Variants in OR51M1 observed in about 807,000 individuals in gnomAD.
The protein encoded by OR51M1 is olfactory receptor family 51 subfamily M member 1.
For synonymous variants in OR51M1, 199 were observed against 155.1 expected, an observed-to-expected ratio of 1.28 and a Z score of -2.10; for missense variants, 509 against 404.4, an observed-to-expected ratio of 1.26 and a Z score of -2.22.
At position 5,390,178 on chromosome 11, in the gene OR51M1, G is replaced by T. The variant is rs1849773346; in HGVS notation, c.780G>T (p.Val260=). The change falls in exon 3 of 3, where the codon GTG becomes GTT. Residue 260 remains valine (V), a synonymous_variant. Coordinates refer to ENST00000642046, the MANE Select transcript of OR51M1 (RefSeq NM_001004756.3). ...FQTCTAPLCA[V]LVFFVPMMGL... ...CATGCACCGCTCCTCTCTGTGCTGTGCTAGTATTCTTTGTGCCCATGATGG... is the reference window on the plus strand; with the variant it reads ...CATGCACCGCTCCTCTCTGTGCTGTTCTAGTATTCTTTGTGCCCATGATGG... 2.0e-5 allele frequency: 33 copies of T among 1,613,982 alleles called. No homozygotes were observed. Among genetic ancestry groups the T allele is most frequent in the Non-Finnish European group, 2.8e-5 (33 of 1,179,882 alleles).
rs557025402 is a variant in OR51M1 at position 5,389,875 on chromosome 11, T to A, written c.477T>A (p.Ile159=). The A allele has an allele frequency of 1.2e-6, 2 of 1,613,450 alleles. No individual in the cohort carries two copies. The highest frequency in any genetic ancestry group is 2.7e-5 in the African/African-American group (2 of 75,048). ...AGCAAGTGGTCAGAGCAGGCCTAAT[T>A]GTCATCTTCCGGGGACCTGTGGCCA... ...TGQQVVRAGL[I]VIFRGPVATI... The change falls in exon 3 of 3, where the codon ATT becomes ATA. Residue 159 remains isoleucine, a synonymous_variant. Transcript: ENST00000642046.
intron 2 of OR51M1, among the ~76,000 whole-genome samples, chr11:5,386,595 A>T (rs779167928): frequency 1.3e-5 from 2 of 152,048 alleles, no homozygotes; most frequent in Non-Finnish European, 2.9e-5. Context: ...GAAGTACTGA[A>T]AACAGTGCAG....
intron 2 of OR51M1, among the ~76,000 whole-genome samples, chr11:5,388,690 T>A (rs77277106): frequency 0.02 from 2,979 of 151,748 alleles, 101 homozygotes; most frequent in African/African-American, 0.068. Context: ...CCTTTTTTAC[T>A]TCATTAAAAA....
In OR51M1 at chr11:5,392,628, T is replaced by A. The variant is rs1400388989; in HGVS notation, c.*2249T>A. On this transcript the variant is annotated 3_prime_UTR_variant, in exon 3 of 3. Coordinates refer to ENST00000642046, the MANE Select transcript of OR51M1 (RefSeq NM_001004756.3). ...TGAAGAATAGAGTTAACAATCAATATCTGGCTGGGCGCGGTGGCTCACGCC... is the reference window on the plus strand; with the variant it reads ...TGAAGAATAGAGTTAACAATCAATAACTGGCTGGGCGCGGTGGCTCACGCC... 1 of 152,228 alleles carries A rather than the reference T, an allele frequency of 6.6e-6. No individual in the cohort carries two copies. The highest frequency in any genetic ancestry group is 2.4e-5 in the African/African-American group (1 of 41,454). 9.4% of individuals were successfully genotyped at this position (152,228 alleles called of 1,614,324 possible).
chr11:5,388,598 T>C (rs1849739215), intron 2 of OR51M1, among the ~76,000 whole-genome samples: 2 of 149,148 alleles, frequency 1.3e-5, no homozygotes. Flanking sequence ...ACACCGTGAA[T>C]ATACAGAGGA....
Position 5,390,418 on chromosome 11 carries a change from G to C in OR51M1, c.*39G>C, listed in dbSNP as rs1290800152. 2.0e-6 allele frequency: 3 copies of C among 1,503,194 alleles called. No homozygotes were observed. The highest frequency in any genetic ancestry group is 2.7e-6 in the Non-Finnish European group (3 of 1,122,278). 93.1% of individuals were successfully genotyped at this position (1,503,194 alleles called of 1,614,324 possible). On this transcript the variant is annotated 3_prime_UTR_variant, in exon 3 of 3. Coordinates refer to ENST00000642046, the MANE Select transcript of OR51M1 (RefSeq NM_001004756.3). ...AACTCCCCCTAGAGGCCTATAAGAA[G>C]GCCCCAAATTGGACTGAAAATTTGG... is the stretch of plus-strand genomic sequence containing the variant.
chr11:5,393,032 C>T lies in OR51M1; in HGVS notation c.*2653C>T, dbSNP rs1379009295. The T allele has an allele frequency of 3.3e-5, 5 of 152,104 alleles. No homozygotes were observed. Among genetic ancestry groups the T allele is most frequent in the African/African-American group, 7.2e-5 (3 of 41,434 alleles). 9.4% of individuals were successfully genotyped at this position (152,104 alleles called of 1,614,324 possible). ...TTTGCCTTTTATAAAAAACAAAATA[C>T]ATCAAAAGACTTGAAAATATTCATG... On this transcript the variant is annotated 3_prime_UTR_variant, in exon 3 of 3. Coordinates refer to ENST00000642046, the MANE Select transcript of OR51M1 (RefSeq NM_001004756.3).
chr11:5,390,720 C>A lies in OR51M1; in HGVS notation c.*341C>A, dbSNP rs1164656466. ...AATACCAGAGCACCCAGAGGAGAGCCTGGCAGAGACCAGGTAAATGCCATT... is the reference window on the plus strand; with the variant it reads ...AATACCAGAGCACCCAGAGGAGAGCATGGCAGAGACCAGGTAAATGCCATT... On this transcript the variant is annotated 3_prime_UTR_variant, in exon 3 of 3. Transcript: ENST00000642046. The A allele has an allele frequency of 1.0e-5, 2 of 199,314 alleles. No homozygotes were observed. The highest frequency in any genetic ancestry group is 2.0e-5 in the Non-Finnish European group (2 of 97,654). 12.3% of individuals were successfully genotyped at this position (199,314 alleles called of 1,614,324 possible).
chr11:5,389,635 C>G lies in OR51M1; in HGVS notation c.237C>G (p.Ala79=), dbSNP rs535296899. 1.2e-6 allele frequency: 2 copies of G among 1,613,692 alleles called. No individual in the cohort carries two copies. The highest frequency in any genetic ancestry group is 2.2e-5 in the South Asian group (2 of 91,086). ...TPMYYLLSLL[A]LTDLGLCVST... Reference sequence around the variant, plus strand: ...TGTACTATCTACTATCCTTGCTGGCCCTCACTGACCTGGGGCTGTGTGTGT... The same window carrying G: ...TGTACTATCTACTATCCTTGCTGGCGCTCACTGACCTGGGGCTGTGTGTGT... The change falls in exon 3 of 3, where the codon GCC becomes GCG. Residue 79 remains alanine (A), a synonymous_variant. Transcript: ENST00000642046.
intron 2 of OR51M1, among the ~76,000 whole-genome samples, chr11:5,388,273 C>G (rs1027321254): frequency 1.3e-5 from 2 of 151,524 alleles, no homozygotes; most frequent in African/African-American, 4.9e-5. Flanking sequence ...TTTATGTCCA[C>G]AAGGAATTCA....
Position 5,392,633 on chromosome 11 carries a change from C to T in OR51M1, c.*2254C>T, listed in dbSNP as rs558604769. The stretch of plus-strand genomic sequence containing the variant: ...AATAGAGTTAACAATCAATATCTGG[C>T]TGGGCGCGGTGGCTCACGCCTGTAA... On this transcript the variant is annotated 3_prime_UTR_variant, in exon 3 of 3. Coordinates refer to ENST00000642046, the MANE Select transcript of OR51M1 (RefSeq NM_001004756.3). 1.3e-5 allele frequency: 2 copies of T among 152,352 alleles called. No homozygotes were observed. Among genetic ancestry groups the T allele is most frequent in the African/African-American group, 4.8e-5 (2 of 41,586 alleles). 9.4% of individuals were successfully genotyped at this position (152,352 alleles called of 1,614,324 possible).
intron 2 of OR51M1, among the ~76,000 whole-genome samples, chr11:5,385,894 GTTAT>G (rs1468357737): frequency 6.1e-5 from 9 of 148,752 alleles, no homozygotes; most frequent in African/African-American, 1.7e-4. Flanking sequence ...ACACTTATAT[GTTAT>G]TTAAACTTAT....
At position 5,390,349 on chromosome 11, in the gene OR51M1, G is replaced by A. The variant is rs10768906; in HGVS notation, c.951G>A (p.Lys317=). 0.8 allele frequency: 1,285,992 copies of A among 1,605,790 alleles called. 518,019 individuals carry two copies. The highest frequency in any genetic ancestry group is 0.83 in the Middle Eastern group (5,008 of 6,040). The change falls in exon 3 of 3, where the codon AAG becomes AAA. Residue 317 remains lysine, a synonymous_variant. Transcript: ENST00000642046. The stretch of plus-strand genomic sequence containing the variant: ...AGGAGATCCACCGTGCCATTATCAA[G>A]TTCCTAGGTCTTAAAAAGGCCAGTA... ...KTKEIHRAII[K]FLGLKKASK
chr11:5,384,715 C>A (rs1280275895), intron 1 of OR51M1, among the ~76,000 whole-genome samples: 4 of 152,192 alleles, frequency 2.6e-5, no homozygotes, highest in Admixed American at 6.5e-5. Flanking sequence ...TTATTAAATG[C>A]ATTTTATATG....
At chr11:5,386,475 G>A (rs1849697753) in intron 2 of OR51M1, among the ~76,000 whole-genome samples, 1 of 152,208 alleles carries the variant, frequency 6.6e-6, no homozygotes, top group Non-Finnish European at 1.5e-5. Context: ...AAATATTCAT[G>A]ATTATGTCAA....
At position 5,391,313 on chromosome 11, in the gene OR51M1, A is replaced by C. The variant is rs11037193; in HGVS notation, c.*934A>C. On this transcript the variant is annotated 3_prime_UTR_variant, in exon 3 of 3. Coordinates refer to ENST00000642046, the MANE Select transcript of OR51M1 (RefSeq NM_001004756.3). ...GATAGCTCCTCCCTTTCCAATGGTA[A>C]AGCACCAAATGCTCCATCGGTTTCC... 2.0e-5 allele frequency: 3 copies of C among 152,180 alleles called. No homozygotes were observed. The highest frequency in any genetic ancestry group is 6.5e-5 in the Admixed American group (1 of 15,286). The allele number at this position is 152,180 out of a possible 1,614,324, so 9.4% of individuals were successfully genotyped here.
chr11:5,390,295 T>C lies in OR51M1; in HGVS notation c.897T>C (p.Leu299=). ...TCTACCTTTTTGTGCCTCCCATGCT[T>C]AACCCAATCATATACAGCATTAAGA... The part of the protein sequence containing the change: ...ANVYLFVPPM[L]NPIIYSIKTK... Residue 299 remains leucine, a synonymous_variant, in exon 3 of 3, where the codon CTT becomes CTC. Transcript: ENST00000642046. 1 of 1,613,908 alleles carries C rather than the reference T, an allele frequency of 6.2e-7. No homozygotes were observed. Among genetic ancestry groups the C allele is most frequent in the Non-Finnish European group, 8.5e-7 (1 of 1,179,846 alleles).
rs759194432 is a variant in OR51M1, at chr11:5,390,319, G to A, written c.921G>A (p.Lys307=). The A allele has an allele frequency of 3.1e-6, 5 of 1,613,268 alleles. No individual in the cohort carries two copies. The highest frequency in any genetic ancestry group is 1.1e-5 in the South Asian group (1 of 90,960). Residue 307 remains lysine, a synonymous_variant, in exon 3 of 3, where the codon AAG becomes AAA. Transcript: ENST00000642046. ...PMLNPIIYSI[K]TKEIHRAIIK... is the part of the protein sequence containing the mutation. ...TTAACCCAATCATATACAGCATTAAGACCAAGGAGATCCACCGTGCCATTA... is the reference window on the plus strand; with the variant it reads ...TTAACCCAATCATATACAGCATTAAAACCAAGGAGATCCACCGTGCCATTA...
At chr11:5,386,024 C>G (rs1849690344) in intron 2 of OR51M1, among the ~76,000 whole-genome samples, 1 of 151,440 alleles carries the variant, frequency 6.6e-6, no homozygotes. Flanking sequence ...TAGTACATTA[C>G]AGGTACTACG....
Sources: gnomAD v4.1 joint callset for allele counts (sites outside exome capture counted in the v4.1 genomes callset) on GRCh38, gnomAD v4.1.1 for gene constraint, MANE v1.5 for transcripts, NCBI Gene and HGNC (gene_info 2026-07-23, HGNC 2026-07-21) for gene names.